The following PSMD14 variants were observed in gnomAD, a reference collection of about 807,000 sequenced individuals.
PSMD14 encodes the protein ubiquitin C-terminal hydrolase PSMD14.
Under a neutral mutation model 41.2 loss-of-function variants are expected in PSMD14, and 7 were observed. That is an observed-to-expected ratio of 0.17 (90% confidence interval 0.10 to 0.32). The LOEUF is 0.32. PSMD14 is among the 10% of genes least tolerant of loss of function. PSMD14 has a pLI of 1.00. For missense variants in PSMD14, 139 were observed against 375.6 expected (o/e 0.37, Z 5.21); for synonymous variants, 114 against 122.3 (o/e 0.93, Z 0.45).
chr2:161,321,572 C>A (rs1682598974), intron 3 of PSMD14, among the ~76,000 whole-genome samples: 1 of 152,194 alleles, frequency 6.6e-6, no homozygotes. Flanking sequence ...ACTACCCTTA[C>A]TTCAGATGCC....
intron 7 of PSMD14, among the ~76,000 whole-genome samples, chr2:161,378,221 T>A (rs1301353743): frequency 1.3e-5 from 2 of 151,976 alleles, no homozygotes; most frequent in Admixed American, 1.3e-4. Flanking sequence ...GATTAATAGA[T>A]GTTTACAGCC....
chr2:161,397,377 A>AG (rs2105269237), intron 10 of PSMD14, among the ~76,000 whole-genome samples: 1 of 152,310 alleles, frequency 6.6e-6, no homozygotes, highest in African/African-American at 2.4e-5. Flanking sequence ...TGAAAGAAGG[A>AG]GGAGGAATCA....
At chr2:161,328,760 C>T (rs1427188008) in intron 3 of PSMD14, among the ~76,000 whole-genome samples, 2 of 151,974 alleles carry the variant, frequency 1.3e-5, no homozygotes, top group East Asian at 1.9e-4. Flanking sequence ...TATTGTACAG[C>T]GCAGGTCTAG....
At position 161,323,927 on chromosome 2, in the gene PSMD14, G is replaced by C. The variant is rs1024402131; in HGVS notation, c.48+5054G>C. 4.5e-5 allele frequency among the ~76,000 whole-genome samples: 2 copies of C among 44,922 alleles called. 1 individual carries two copies. Among genetic ancestry groups the C allele is most frequent in the Non-Finnish European group, 8.1e-5 (2 of 24,634 alleles). The allele number at this position is 44,922 out of a possible 152,430, so 29.5% of individuals were successfully genotyped here. Reference sequence around the variant, plus strand: ...TATGTTGCCATAATTTGGCTACTTCGTTGTCTTTATAACAACTCCACCTAG... The same window carrying C: ...TATGTTGCCATAATTTGGCTACTTCCTTGTCTTTATAACAACTCCACCTAG... On this transcript the variant is annotated intron_variant, in intron 3 of 11. Coordinates refer to ENST00000409682, the MANE Select transcript of PSMD14 (RefSeq NM_005805.6).
In PSMD14 at chr2:161,318,540, ATTAAC is replaced by A. The variant is rs570829101; in HGVS notation, c.-4-277_-4-273del. Among the ~76,000 whole-genome samples, 637 of 152,286 alleles carry A rather than the reference ATTAAC, an allele frequency of 4.2e-3. 6 individuals are homozygous for A. The highest frequency in any genetic ancestry group is 0.02 in the Middle Eastern group (6 of 294). On this transcript the variant is annotated intron_variant, in intron 2 of 11. Transcript: ENST00000409682. ...TATTAGATAACAATAAGAAAATATAATTAACTTAATGATAGCAAAGTTTTGAAAGT... is the reference window on the plus strand; with the variant it reads ...TATTAGATAACAATAAGAAAATATAATTAATGATAGCAAAGTTTTGAAAGT...
chr2:161,389,341 G>A (rs1483737529), intron 8 of PSMD14, among the ~76,000 whole-genome samples: 1 of 152,188 alleles, frequency 6.6e-6, no homozygotes, highest in African/African-American at 2.4e-5. Flanking sequence ...TGTCTGCTTA[G>A]AGGACTGAGC....
intron 1 of PSMD14, among the ~76,000 whole-genome samples, chr2:161,309,508 A>T: frequency 6.6e-6 from 1 of 152,172 alleles, no homozygotes; most frequent in East Asian, 1.9e-4. Flanking sequence ...TGAGAAAAGC[A>T]GCAAGACATG....
chr2:161,389,889 G>GTTGTTGTTGTTTTTTT lies in PSMD14; in HGVS notation c.571-1213_571-1212insGTTGTTGTTTTTTTTT. Among the ~76,000 whole-genome samples the GTTGTTGTTGTTTTTTT allele has an allele frequency of 1.0e-4, 2 of 20,042 alleles. 1 individual carries two copies. The highest frequency in any genetic ancestry group is 1.4e-3 in the Admixed American group (2 of 1,458). The allele number at this position is 20,042 out of a possible 152,430, so 13.1% of individuals were successfully genotyped here. ...TGTCTTATTTTCTTTCTTTTTTGTTGTTTTTTTTTTTTTTTTTTTTTTTAG... is the reference window on the plus strand; with the variant it reads ...TGTCTTATTTTCTTTCTTTTTTGTTGTTGTTGTTGTTTTTTTTTTTTTTTTTTTTTTTTTTTTTTAG... On this transcript the variant is annotated intron_variant, in intron 8 of 11. Transcript: ENST00000409682.
intron 7 of PSMD14, among the ~76,000 whole-genome samples, chr2:161,375,522 G>T (rs143888382): frequency 6.6e-6 from 1 of 152,136 alleles, no homozygotes; most frequent in South Asian, 2.1e-4. Flanking sequence ...GCTTTGAGGG[G>T]TAGGCAGGAC....
chr2:161,385,101 T>C (rs1299736924), intron 7 of PSMD14: 1 of 154,816 alleles, frequency 6.5e-6, no homozygotes, highest in Non-Finnish European at 1.4e-5. Flanking sequence ...CACTTTCAGT[T>C]TTAGTTTCTC....
At chr2:161,347,425 T>C (rs1390722867) in intron 3 of PSMD14, among the ~76,000 whole-genome samples, 1 of 152,168 alleles carries the variant, frequency 6.6e-6, no homozygotes, top group African/African-American at 2.4e-5. Context: ...ACTACAGGCA[T>C]GAGCCCACTG....
Position 161,385,492 on chromosome 2 carries a change from A to G in PSMD14, c.491A>G (p.Asn164Ser), listed in dbSNP as rs764367094. 2.5e-6 allele frequency: 4 copies of G among 1,608,966 alleles called. No individual in the cohort carries two copies. Among genetic ancestry groups the G allele is most frequent in the Admixed American group, 1.7e-5 (1 of 59,578 alleles). Residue 164 changes from asparagine to serine, a missense_variant, in exon 8 of 12, where the codon AAT becomes AGT. Asn to Ser is a conservative substitution (Grantham distance 46). Around this residue, in one of 4 missense-constraint regions of PSMD14, gnomAD observed 35 missense variants for 162.9 expected, o/e 0.21. Transcript: ENST00000409682. Reference protein sequence around the residue: ...KVVIDAFRLINANMMVLGHEP... With the variant: ...KVVIDAFRLISANMMVLGHEP... The stretch of plus-strand genomic sequence containing the variant: ...GTTATTGATGCCTTCAGATTGATCA[A>G]TGCTAATATGATGGTCTTAGGACAT...
At chr2:161,407,061 A>C (rs1683956978) in intron 10 of PSMD14, among the ~76,000 whole-genome samples, 2 of 152,106 alleles carry the variant, frequency 1.3e-5, no homozygotes. Context: ...TACTGTAGTA[A>C]GTACTGTTGT....
rs75097508 is a variant in PSMD14, at chr2:161,401,422, C to T, written c.771+6219C>T. Among the ~76,000 whole-genome samples, 18 of 152,314 alleles carry T rather than the reference C, an allele frequency of 1.2e-4. No individual in the cohort carries two copies. In the East Asian group the frequency reaches 3.1e-3, roughly 26 times the overall value. On this transcript the variant is annotated intron_variant, in intron 10 of 11. Coordinates refer to ENST00000409682, the MANE Select transcript of PSMD14 (RefSeq NM_005805.6). ...CAACTGTACATCTCATTTGACAGAA[C>T]GTAGTTAAATGGACGCAACTAGCTG...
chr2:161,400,464 C>T (rs748972854), intron 10 of PSMD14, among the ~76,000 whole-genome samples: 2 of 152,178 alleles, frequency 1.3e-5, no homozygotes, highest in Non-Finnish European at 2.9e-5. Flanking sequence ...GCCACTTATA[C>T]ATGGATTTTT....
intron 1 of PSMD14, among the ~76,000 whole-genome samples, chr2:161,313,694 A>G (rs1158578635): frequency 1.3e-5 from 2 of 152,202 alleles, no homozygotes; most frequent in African/African-American, 4.8e-5. Context: ...TTGAAGGTAC[A>G]TATATCTTCA....
chr2:161,327,157 A>G (rs188466169), intron 3 of PSMD14, among the ~76,000 whole-genome samples: 76 of 152,312 alleles, frequency 5.0e-4, no homozygotes, highest in Admixed American at 9.8e-4. Context: ...TGAGGTACCT[A>G]GAGTATCAGA....
At chr2:161,332,460 C>T (rs1340292539) in intron 3 of PSMD14, among the ~76,000 whole-genome samples, 1 of 152,118 alleles carries the variant, frequency 6.6e-6, no homozygotes, top group Non-Finnish European at 1.5e-5. Flanking sequence ...TGTACCTTGA[C>T]TTGTAATAAT....
intron 3 of PSMD14, among the ~76,000 whole-genome samples, chr2:161,337,854 AATTTATATAC>A (rs1356705053): frequency 1.3e-5 from 2 of 152,136 alleles, no homozygotes; most frequent in African/African-American, 4.8e-5. Flanking sequence ...CAAGTTATTT[AATTTATATAC>A]ATTTATTTTC....
Sources: gnomAD v4.1 joint callset for allele counts (sites outside exome capture counted in the v4.1 genomes callset) on GRCh38, gnomAD v4.1.1 for gene constraint, gnomAD v4.1.1 regional missense constraint, MANE v1.5 for transcripts, NCBI Gene and HGNC (gene_info 2026-07-23, HGNC 2026-07-21) for gene names.